The following CDH23 variants were observed in gnomAD, a reference collection of about 807,000 sequenced individuals.
The protein encoded by CDH23 is cadherin-23.
In CDH23, 189 loss-of-function variants were observed where a neutral mutation model predicts 317.1. The observed-to-expected ratio is 0.60, with a 90% CI of 0.53 to 0.67. The LOEUF (loss-of-function observed/expected upper bound fraction) is 0.67. Ranked by LOEUF, CDH23 falls within the 30% of genes least tolerant of loss-of-function variation. The pLI, the probability that CDH23 is intolerant of heterozygous loss-of-function variation, is 0.00. For missense variants in CDH23, 4,401 were observed against 4,592.4 expected (o/e 0.96, Z 1.20); for synonymous variants, 1,839 against 1,876.8 (o/e 0.98, Z 0.52).
In CDH23 at chr10:71,424,525, TA is replaced by T. The variant is rs1190928468; in HGVS notation, c.-5-15301del. On this transcript the variant is annotated intron_variant, in intron 1 of 69. Coordinates refer to ENST00000224721, the MANE Select transcript of CDH23 (RefSeq NM_022124.6). Reference sequence around the variant, plus strand: ...CGTGTGCCTTGCCCTGTCTCCTCGATACCCCCACTCATCCCCACAGGGATCC... The same window carrying T: ...CGTGTGCCTTGCCCTGTCTCCTCGATCCCCCACTCATCCCCACAGGGATCC... Among the ~76,000 whole-genome samples the T allele has an allele frequency of 2.0e-5, 3 of 152,326 alleles. No homozygotes were observed. The East Asian group carries it at 5.8e-4, about 29-fold the overall frequency.
At chr10:71,702,276 G>A (rs1046837269) in intron 23 of CDH23, 65 bp downstream of exon 23, 12 of 1,544,310 alleles carry the variant, frequency 7.8e-6, no homozygotes, top group African/African-American at 5.4e-5. Flanking sequence ...TGGTGACTGG[G>A]CCTCTGGGGT....
At chr10:71,678,493 G>A (rs1194919946) in intron 16 of CDH23, among the ~76,000 whole-genome samples, 1 of 152,170 alleles carries the variant, frequency 6.6e-6, no homozygotes, top group Non-Finnish European at 1.5e-5. Flanking sequence ...CAAGGGATGG[G>A]ACCCAGAGCC....
intron 11 of CDH23, among the ~76,000 whole-genome samples, chr10:71,625,005 G>T (rs562051232): frequency 1.3e-5 from 2 of 152,212 alleles, no homozygotes; most frequent in South Asian, 4.2e-4. Flanking sequence ...GAGCTTGAGT[G>T]ACAGCATTAG....
intron 3 of CDH23, among the ~76,000 whole-genome samples, chr10:71,465,265 G>C (rs572556567): frequency 6.6e-6 from 1 of 152,358 alleles, no homozygotes; most frequent in African/African-American, 2.4e-5. Flanking sequence ...CTGGTATAGA[G>C]TTGTATTTTA....
intron 38 of CDH23, 145 bp from the exon 39 acceptor site, chr10:71,777,535 G>A: frequency 1.4e-6 from 1 of 699,476 alleles, no homozygotes; most frequent in Non-Finnish European, 2.4e-6. Context: ...CTCTCTACCA[G>A]CCTGTGACCC....
rs1866193839 is a variant in CDH23 at position 71,715,858 on chromosome 10, C to T, written c.3369+3045C>T. On this transcript the variant is annotated intron_variant, in intron 28 of 69. Coordinates refer to ENST00000224721, the MANE Select transcript of CDH23 (RefSeq NM_022124.6). The stretch of plus-strand genomic sequence containing the variant: ...GCTTGGGCCACTGTCTTCCTGCAGC[C>T]TGCAGCACCGGTCTCTGAAGCAGGA... 1.2e-5 allele frequency: 16 copies of T among 1,373,412 alleles called. 1 individual carries two copies. In the South Asian group the frequency reaches 2.5e-4, roughly 21 times the overall value. The allele number at this position is 1,373,412 out of a possible 1,614,324, so 85.1% of individuals were successfully genotyped here.
At chr10:71,586,982 C>T (rs1859114707) in intron 9 of CDH23, among the ~76,000 whole-genome samples, 1 of 152,196 alleles carries the variant, frequency 6.6e-6, no homozygotes, top group Non-Finnish European at 1.5e-5. Flanking sequence ...TTTGCTATTA[C>T]AAACTGTGCT....
chr10:71,729,032 A>G (rs1235735938), intron 30 of CDH23, among the ~76,000 whole-genome samples: 1 of 152,060 alleles, frequency 6.6e-6, no homozygotes, highest in African/African-American at 2.4e-5. Flanking sequence ...ACAGAGTCTC[A>G]CTATGTTGCC....
chr10:71,413,963 A>G (rs1210327457), intron 1 of CDH23, among the ~76,000 whole-genome samples: 1 of 142,902 alleles, frequency 7.0e-6, no homozygotes, highest in Non-Finnish European at 1.5e-5. Context: ...CTGATTGTTC[A>G]TTATTGGTAT....
chr10:71,686,425 G>C (rs1418983268), intron 18 of CDH23, among the ~76,000 whole-genome samples: 1 of 152,046 alleles, frequency 6.6e-6, no homozygotes, highest in East Asian at 1.9e-4. Flanking sequence ...AGAGCCAAGG[G>C]GCAGATTGGA....
intron 38 of CDH23, among the ~76,000 whole-genome samples, chr10:71,773,772 C>A (rs925158914): frequency 1.3e-5 from 2 of 152,166 alleles, no homozygotes; most frequent in Admixed American, 6.5e-5. Context: ...ATTATTGCTG[C>A]GCAGCCTAAG....
intron 38 of CDH23, among the ~76,000 whole-genome samples, chr10:71,758,633 C>T (rs1257683492): frequency 6.6e-6 from 1 of 152,218 alleles, no homozygotes; most frequent in African/African-American, 2.4e-5. Flanking sequence ...AGCTATGCTA[C>T]CCTGGGCTAT....
At chr10:71,620,602 G>A (rs1861419227) in intron 11 of CDH23, among the ~76,000 whole-genome samples, 1 of 152,190 alleles carries the variant, frequency 6.6e-6, no homozygotes, top group Non-Finnish European at 1.5e-5. Flanking sequence ...CACACCCGCT[G>A]CAGTCAGGGC....
chr10:71,672,823 C>T (rs758672886), intron 14 of CDH23, among the ~76,000 whole-genome samples: 2 of 152,126 alleles, frequency 1.3e-5, no homozygotes, highest in Admixed American at 6.5e-5. Context: ...ATATCCTTCC[C>T]GTCCTGACAG....
At chr10:71,440,511 G>A (rs1849825161) in intron 2 of CDH23, among the ~76,000 whole-genome samples, 2 of 152,216 alleles carry the variant, frequency 1.3e-5, no homozygotes, top group African/African-American at 4.8e-5. Context: ...TGAAGACCAA[G>A]AAGTAGTTTT....
chr10:71,588,883 G>T (rs1430452275), intron 9 of CDH23, among the ~76,000 whole-genome samples: 1 of 152,192 alleles, frequency 6.6e-6, no homozygotes, highest in Non-Finnish European at 1.5e-5. Flanking sequence ...CATCTCCTGG[G>T]CGCCCATGAC....
At chr10:71,779,001 G>A (rs1010604237) in intron 40 of CDH23, among the ~76,000 whole-genome samples, 2 of 152,156 alleles carry the variant, frequency 1.3e-5, no homozygotes, top group Non-Finnish European at 2.9e-5. Flanking sequence ...GCCTCCCAAA[G>A]TGCTGAGATT....
intron 44 of CDH23, among the ~76,000 whole-genome samples, chr10:71,787,741 TA>T (rs1451302306): frequency 6.6e-6 from 1 of 152,222 alleles, no homozygotes; most frequent in Non-Finnish European, 1.5e-5. Context: ...TACGGTTGAG[TA>T]GTATTCCATG....
intron 48 of CDH23, chr10:71,795,880 C>T: frequency 6.1e-6 from 6 of 986,970 alleles, no homozygotes; most frequent in Non-Finnish European, 7.2e-6. Flanking sequence ...CTCATCTCTT[C>T]TCTGCCTCAC....
Sources: allele counts gnomAD v4.1 joint callset (sites outside exome capture counted in the v4.1 genomes callset), GRCh38; gene constraint gnomAD v4.1.1; transcripts MANE v1.5; gene names NCBI Gene and HGNC (gene_info 2026-07-23, HGNC 2026-07-21).